Variants in ZNF487 observed in about 807,000 individuals in gnomAD.
ZNF487 encodes the protein zinc finger protein 487.
ZNF487 carries 4 observed loss-of-function variants against 3.0 expected under a neutral mutation model. The observed-to-expected ratio is 1.35, with a 90% CI of 0.66 to 3.08. ZNF487 has a LOEUF of 3.08. ZNF487 is among the 30% of genes most tolerant of loss of function. ZNF487 has a pLI of 0.01. For synonymous variants in ZNF487, 55 were observed against 34.6 expected, an observed-to-expected ratio of 1.59 and a Z score of -2.06; for missense variants, 146 against 98.7, an observed-to-expected ratio of 1.48 and a Z score of -2.03.
chr10:43,444,510 G>A (rs1839732508), intron 1 of ZNF487, among the ~76,000 whole-genome samples: 1 of 152,098 alleles, frequency 6.6e-6, no homozygotes, highest in South Asian at 2.1e-4. Context: ...GGGCGTGGTG[G>A]CTTTCCTTTG....
At chr10:43,476,931 T>A (rs901997897) in intron 3 of ZNF487, among the ~76,000 whole-genome samples, 4 of 152,148 alleles carry the variant, frequency 2.6e-5, no homozygotes, top group Non-Finnish European at 4.4e-5. Flanking sequence ...ATAATAAGCA[T>A]GATCTCAAAG....
chr10:43,510,773 C>G, the ZNF487 span, among the ~76,000 whole-genome samples: 1 of 152,330 alleles, frequency 6.6e-6, no homozygotes, highest in Admixed American at 6.5e-5. Context: ...GTCTCAAACT[C>G]CTGACCTCAT....
At chr10:43,502,813 T>C in the ZNF487 span, among the ~76,000 whole-genome samples, 1 of 152,242 alleles carries the variant, frequency 6.6e-6, no homozygotes, top group African/African-American at 2.4e-5. Flanking sequence ...GGTGAATCAC[T>C]TGAGCCCAGG....
intron 1 of ZNF487, among the ~76,000 whole-genome samples, chr10:43,463,851 G>A (rs1019903926): frequency 6.6e-6 from 1 of 151,006 alleles, no homozygotes; most frequent in Non-Finnish European, 1.5e-5. Context: ...TATTGTAATT[G>A]TTTTGACCGT....
intron 1 of ZNF487, among the ~76,000 whole-genome samples, chr10:43,451,022 A>ACTGCAAC (rs1316045960): frequency 1.3e-5 from 2 of 151,844 alleles, no homozygotes; most frequent in African/African-American, 4.8e-5. Context: ...ATCTTGGCTC[A>ACTGCAAC]CTGCAACCTC....
chr10:43,439,902 A>T (rs905235637), intron 1 of ZNF487, among the ~76,000 whole-genome samples: 2 of 152,026 alleles, frequency 1.3e-5, no homozygotes, highest in African/African-American at 2.4e-5. Context: ...TGCGGTAAGG[A>T]GGAATGGGAA....
At chr10:43,487,929 C>CAAAA (rs76705594), downstream of ZNF487, among the ~76,000 whole-genome samples, 68 of 40,444 alleles carry the variant, frequency 1.7e-3, 2 homozygotes, top group African/African-American at 5.6e-3. Flanking sequence ...TACCAAAATA[C>CAAAA]AAAAAAAAAA....
At chr10:43,516,122 G>A in the ZNF487 span, among the ~76,000 whole-genome samples, 2 of 152,182 alleles carry the variant, frequency 1.3e-5, no homozygotes, top group South Asian at 2.1e-4. Flanking sequence ...CTGAATGTAG[G>A]AGCAACCAAC....
chr10:43,508,579 C>T, the ZNF487 span, among the ~76,000 whole-genome samples: 15 of 151,166 alleles, frequency 9.9e-5, no homozygotes, highest in African/African-American at 3.2e-4. Context: ...GAGGCCGAGG[C>T]GGGTGGATCA....
At chr10:43,497,764 G>A in the ZNF487 span, among the ~76,000 whole-genome samples, 1 of 151,696 alleles carries the variant, frequency 6.6e-6, no homozygotes, top group Non-Finnish European at 1.5e-5. Context: ...TCAGGAGATC[G>A]AGACCATCCT....
chr10:43,512,876 TG>T, the ZNF487 span, among the ~76,000 whole-genome samples: 2 of 151,308 alleles, frequency 1.3e-5, no homozygotes, highest in African/African-American at 4.9e-5. Context: ...GTGCCTTTCT[TG>T]GTTGAAGGAA....
intron 1 of ZNF487, among the ~76,000 whole-genome samples, chr10:43,464,697 A>G (rs1446251867): frequency 1.3e-5 from 2 of 152,234 alleles, no homozygotes; most frequent in African/African-American, 4.8e-5. Context: ...GGGTAAGGTC[A>G]TAGATCAACA....
chr10:43,512,306 C>T, the ZNF487 span, among the ~76,000 whole-genome samples: 2 of 152,184 alleles, frequency 1.3e-5, no homozygotes, highest in South Asian at 4.1e-4. Context: ...ATTTGAGCCA[C>T]TTCCTCATGT....
At chr10:43,513,673 G>T in the ZNF487 span, among the ~76,000 whole-genome samples, 1 of 152,196 alleles carries the variant, frequency 6.6e-6, no homozygotes, top group Non-Finnish European at 1.5e-5. Context: ...CAGTCAGGGA[G>T]CCAATATGGG....
At chr10:43,488,757 T>G in the ZNF487 span, among the ~76,000 whole-genome samples, 1 of 152,132 alleles carries the variant, frequency 6.6e-6, no homozygotes, top group Non-Finnish European at 1.5e-5. Flanking sequence ...CAATATATAT[T>G]CACTGAATAA....
rs140495404 is a variant in ZNF487 at position 43,462,111 on chromosome 10, C to G, written c.-93-13610C>G. ...GTGAAATCTTCAGTCTTCCTCTTAA[C>G]ATGACTTTCTTTTTTAAAAATTATC... On this transcript the variant is annotated intron_variant, in intron 1 of 3. Coordinates refer to ENST00000437590, the MANE Select transcript of ZNF487 (RefSeq NM_001355444.3). 3.9e-5 allele frequency among the ~76,000 whole-genome samples: 6 copies of G among 152,266 alleles called. No individual in the cohort carries two copies. The East Asian group carries it at 1.2e-3, about 29-fold the overall frequency.
intron 3 of ZNF487, among the ~76,000 whole-genome samples, chr10:43,478,910 C>CT (rs925612956): frequency 8.1e-4 from 112 of 138,946 alleles, no homozygotes; most frequent in Non-Finnish European, 7.9e-4. Context: ...TTTCTTTTTT[C>CT]TTTTTTTTTT....
At chr10:43,487,562 G>C (rs961700560), downstream of ZNF487, among the ~76,000 whole-genome samples, 6 of 151,694 alleles carry the variant, frequency 4.0e-5, 1 homozygote, top group Admixed American at 1.3e-4. Context: ...AAATTCGCCT[G>C]CCTCAGCCTT....
the ZNF487 span, among the ~76,000 whole-genome samples, chr10:43,520,845 A>G: frequency 1.3e-5 from 2 of 152,172 alleles, no homozygotes; most frequent in Non-Finnish European, 2.9e-5. Context: ...GATGGTTTGG[A>G]TTGTGGACAG....
Sources: gnomAD v4.1 joint callset for allele counts (sites outside exome capture counted in the v4.1 genomes callset) on GRCh38, gnomAD v4.1.1 for gene constraint, MANE v1.5 for transcripts, NCBI Gene and HGNC (gene_info 2026-07-23, HGNC 2026-07-21) for gene names.